The following KHDRBS2 variants were observed in gnomAD, a reference collection of about 807,000 sequenced individuals.
KHDRBS2 encodes the protein KH domain-containing, RNA-binding, signal transduction-associated protein 2.
In KHDRBS2, 26 loss-of-function variants were observed where a neutral mutation model predicts 44.3. The ratio of observed to expected loss-of-function variants is 0.59; its 90% CI spans 0.43 to 0.81. The LOEUF is 0.81. KHDRBS2 is among the 40% of genes least tolerant of loss of function. KHDRBS2 has a pLI of 0.00. For missense variants in KHDRBS2, 476 were observed against 433.1 expected, an observed-to-expected ratio of 1.10 and a Z score of -0.88; for synonymous variants, 194 against 151.1, an observed-to-expected ratio of 1.28 and a Z score of -2.08.
intron 4 of KHDRBS2, among the ~76,000 whole-genome samples, chr6:61,919,624 G>A (rs1807668451): frequency 6.6e-6 from 1 of 151,588 alleles, no homozygotes; most frequent in African/African-American, 2.4e-5. Context: ...TTCATTTAGT[G>A]TCTTCCTTCT....
intron 1 of KHDRBS2, among the ~76,000 whole-genome samples, chr6:62,219,117 G>A (rs1196034189): frequency 2.1e-4 from 32 of 151,596 alleles, no homozygotes; most frequent in Admixed American, 1.9e-3. Context: ...TGCAGTATAA[G>A]GATGTAACAA....
chr6:61,973,558 C>T (rs1232317541), intron 4 of KHDRBS2, among the ~76,000 whole-genome samples: 3 of 152,254 alleles, frequency 2.0e-5, no homozygotes, highest in South Asian at 2.1e-4. Flanking sequence ...TCAAGAATCA[C>T]AGCTATCACT....
the KHDRBS2 span, among the ~76,000 whole-genome samples, chr6:61,629,167 A>C: frequency 6.6e-6 from 1 of 152,242 alleles, no homozygotes; most frequent in African/African-American, 2.4e-5. Flanking sequence ...GGCATGTGTG[A>C]TTTTTCGCTT....
At chr6:61,770,052 C>T (rs550468274) in intron 6 of KHDRBS2, among the ~76,000 whole-genome samples, 15 of 152,224 alleles carry the variant, frequency 9.9e-5, no homozygotes, top group South Asian at 2.1e-4. Context: ...CTGCAGCCAC[C>T]GCTGCTGATA....
chr6:61,663,519 A>G, the KHDRBS2 span, among the ~76,000 whole-genome samples: 2 of 109,622 alleles, frequency 1.8e-5, 1 homozygote, highest in Non-Finnish European at 3.8e-5. Context: ...ATATATATAT[A>G]TATATATGCA....
the KHDRBS2 span, among the ~76,000 whole-genome samples, chr6:61,556,704 T>A: frequency 6.6e-6 from 1 of 152,112 alleles, no homozygotes. Flanking sequence ...CACAGTGTTT[T>A]TCTTCAAGAT....
chr6:61,656,053 T>C, the KHDRBS2 span, among the ~76,000 whole-genome samples: 1 of 152,068 alleles, frequency 6.6e-6, no homozygotes, highest in African/African-American at 2.4e-5. Context: ...GATGATGCCT[T>C]TAACATAATT....
intron 6 of KHDRBS2, among the ~76,000 whole-genome samples, chr6:61,841,180 AT>A (rs1205922307): frequency 6.6e-6 from 1 of 152,078 alleles, no homozygotes; most frequent in African/African-American, 2.4e-5. Context: ...TTAAATATTC[AT>A]TTTCAACTTA....
chr6:62,001,440 G>C (rs368056427), intron 3 of KHDRBS2, among the ~76,000 whole-genome samples: 1 of 150,824 alleles, frequency 6.6e-6, no homozygotes, highest in African/African-American at 2.4e-5. Context: ...TTAAAACATG[G>C]AATATATTGG....
chr6:61,591,570 G>A, the KHDRBS2 span, among the ~76,000 whole-genome samples: 1 of 152,070 alleles, frequency 6.6e-6, no homozygotes, highest in Non-Finnish European at 1.5e-5. Flanking sequence ...CTAAACTCTA[G>A]TAACTCCCTC....
rs182538856 is a variant in KHDRBS2, at chr6:61,951,597, T to C, written c.483+26469A>G. On this transcript the variant is annotated intron_variant, in intron 4 of 8. Transcript: ENST00000281156. ...AATGCTAACATGTGTGATTGCTTAC[T>C]CATGCAGTTCCTTTAAATCTATTAG... 1.6e-4 allele frequency among the ~76,000 whole-genome samples: 24 copies of C among 152,192 alleles called. No homozygotes were observed. In the East Asian group the frequency reaches 4.3e-3, roughly 27 times the overall value.
At chr6:62,077,276 A>T (rs1796533336) in intron 2 of KHDRBS2, among the ~76,000 whole-genome samples, 1 of 152,004 alleles carries the variant, frequency 6.6e-6, no homozygotes, top group Non-Finnish European at 1.5e-5. Flanking sequence ...GATCCTATGT[A>T]TGATCTTTCA....
intron 2 of KHDRBS2, among the ~76,000 whole-genome samples, chr6:62,103,569 C>G (rs1301949419): frequency 1.7e-5 from 2 of 119,058 alleles, no homozygotes; most frequent in Non-Finnish European, 3.3e-5. Context: ...CCTCTGAGAG[C>G]ACCAGGATGT....
At chr6:62,107,074 T>A (rs1335373881) in intron 2 of KHDRBS2, among the ~76,000 whole-genome samples, 2 of 152,028 alleles carry the variant, frequency 1.3e-5, no homozygotes, top group East Asian at 3.9e-4. Context: ...TTCAACATAG[T>A]GTTGGAAGTT....
chr6:61,923,273 T>C (rs73489415), intron 4 of KHDRBS2, among the ~76,000 whole-genome samples: 12,200 of 152,104 alleles, frequency 0.08, 491 homozygotes, highest in Middle Eastern at 0.13. Context: ...CACAAATTTA[T>C]TAGCATTAGA....
intron 1 of KHDRBS2, among the ~76,000 whole-genome samples, chr6:62,283,301 C>G (rs1225706249): frequency 6.6e-6 from 1 of 152,026 alleles, no homozygotes; most frequent in Non-Finnish European, 1.5e-5. Context: ...CCAAAAACCC[C>G]AAATAAACAT....
At position 61,776,745 on chromosome 6, in the gene KHDRBS2, A is replaced by C. The variant is rs192569925; in HGVS notation, c.811-43981T>G. Among the ~76,000 whole-genome samples the C allele has an allele frequency of 3.7e-3, 566 of 152,202 alleles. 3 individuals are homozygous for C. Among genetic ancestry groups the C allele is most frequent in the African/African-American group, 0.013 (528 of 41,534 alleles). On this transcript the variant is annotated intron_variant, in intron 6 of 8. Coordinates refer to ENST00000281156, the MANE Select transcript of KHDRBS2 (RefSeq NM_152688.4). ...GTCAGTGTGGCGATTTCTCAGGGAT[A>C]TAGAACTAGAAATACCATTAAACCC...
At chr6:61,978,384 G>A (rs772432214) in intron 3 of KHDRBS2, among the ~76,000 whole-genome samples, 172 bp from the exon 4 acceptor site, 3 of 151,982 alleles carry the variant, frequency 2.0e-5, no homozygotes, top group Non-Finnish European at 2.9e-5. Context: ...GCCATTTAAA[G>A]ATTTTAAAAT....
chr6:61,924,357 G>A (rs1808583879), intron 4 of KHDRBS2, among the ~76,000 whole-genome samples: 1 of 152,044 alleles, frequency 6.6e-6, no homozygotes, highest in African/African-American at 2.4e-5. Context: ...AATTTTAGGG[G>A]GGATGGAGAG....
Sources: allele counts gnomAD v4.1 joint callset (sites outside exome capture counted in the v4.1 genomes callset), GRCh38; gene constraint gnomAD v4.1.1; transcripts MANE v1.5; gene names NCBI Gene and HGNC (gene_info 2026-07-23, HGNC 2026-07-21).